EYS: variants seen among roughly 807,000 people sequenced by gnomAD.
EYS encodes the protein protein eyes shut homolog.
EYS carries 250 observed loss-of-function variants against 282.1 expected under a neutral mutation model. The observed-to-expected ratio is 0.89, with a 90% CI of 0.80 to 0.98. The LOEUF (loss-of-function observed/expected upper bound fraction) is 0.98, where lower values mean the gene tolerates loss of function less well. Among genes scored for constraint, EYS ranks in the 50% least tolerant of loss-of-function variants. EYS has a pLI of 0.00. For synonymous variants in EYS, 1,355 were observed against 1,282.9 expected (o/e 1.06, Z -1.20); for missense variants, 4,016 against 3,709.0 (o/e 1.08, Z -2.15).
chr6:64,697,194 T>G (rs955954753), intron 22 of EYS, among the ~76,000 whole-genome samples: 1 of 151,752 alleles, frequency 6.6e-6, no homozygotes, highest in Admixed American at 6.6e-5. Context: ...ATTTATAAAT[T>G]GAAGGTAGAG....
At chr6:64,731,754 G>A (rs956476466) in intron 22 of EYS, among the ~76,000 whole-genome samples, 2 of 152,162 alleles carry the variant, frequency 1.3e-5, no homozygotes, top group African/African-American at 2.4e-5. Flanking sequence ...ACAGTGTGGC[G>A]ATTCCTGAAG....
intron 12 of EYS, among the ~76,000 whole-genome samples, chr6:65,213,517 G>GCAATTCTCACAATATTT (rs2150253700): frequency 6.6e-6 from 1 of 152,150 alleles, no homozygotes; most frequent in Non-Finnish European, 1.5e-5. Context: ...TGACGGCTGG[G>GCAATTCTCACAATATTT]CAATTCTCAC....
rs1362341766 is a variant in EYS at position 65,519,925 on chromosome 6, T to C, written c.-332-23932A>G. On this transcript the variant is annotated intron_variant, in intron 2 of 42. Coordinates refer to ENST00000503581, the MANE Select transcript of EYS (RefSeq NM_001142800.2). Reference sequence around the variant, plus strand: ...TTTTTGTAGAGATGAGGTTTCACCATGTTGCCTAGGAATCAATACTTTTCT... The same window carrying C: ...TTTTTGTAGAGATGAGGTTTCACCACGTTGCCTAGGAATCAATACTTTTCT... Among the ~76,000 whole-genome samples the C allele has an allele frequency of 2.0e-5, 3 of 148,972 alleles. No homozygotes were observed. In the East Asian group the frequency reaches 5.9e-4, roughly 30 times the overall value.
intron 29 of EYS, among the ~76,000 whole-genome samples, chr6:64,321,513 A>C (rs1234465294): frequency 6.6e-6 from 1 of 151,900 alleles, no homozygotes; most frequent in Non-Finnish European, 1.5e-5. Flanking sequence ...TAAATTAATG[A>C]CTTTAATAAA....
intron 12 of EYS, among the ~76,000 whole-genome samples, chr6:65,134,152 T>C (rs914795442): frequency 6.6e-5 from 10 of 152,104 alleles, no homozygotes; most frequent in African/African-American, 2.2e-4. Context: ...GAAATACTTA[T>C]ACAATGTTGG....
chr6:64,911,331 A>G (rs971160890), intron 16 of EYS, among the ~76,000 whole-genome samples: 1 of 151,910 alleles, frequency 6.6e-6, no homozygotes, highest in Non-Finnish European at 1.5e-5. Context: ...AGCCCATGCT[A>G]TTTTTGCAAA....
At chr6:63,923,071 G>A (rs972023221) in intron 35 of EYS, among the ~76,000 whole-genome samples, 2 of 152,180 alleles carry the variant, frequency 1.3e-5, no homozygotes, top group Non-Finnish European at 2.9e-5. Context: ...TTGTAAGTTT[G>A]CTAAAGTAAT....
At chr6:64,704,190 A>G (rs1224512278) in intron 22 of EYS, among the ~76,000 whole-genome samples, 2 of 151,522 alleles carry the variant, frequency 1.3e-5, no homozygotes, top group Admixed American at 6.6e-5. Context: ...CTAATGGAAC[A>G]TGTAAAAAAT....
chr6:64,955,669 T>C (rs1016473353), intron 14 of EYS, among the ~76,000 whole-genome samples: 14 of 152,334 alleles, frequency 9.2e-5, no homozygotes, highest in African/African-American at 3.4e-4. Context: ...CCCATGGGTT[T>C]TGCTTAGGCA....
chr6:65,057,350 T>C (rs970802781), intron 13 of EYS, among the ~76,000 whole-genome samples: 7 of 152,130 alleles, frequency 4.6e-5, no homozygotes, highest in Non-Finnish European at 1.0e-4. Flanking sequence ...CCTTCCTTAC[T>C]TTTTTATTGT....
In EYS at chr6:64,616,141, G is replaced by A. The variant is rs369669625; in HGVS notation, c.3684+1277C>T. On this transcript the variant is annotated intron_variant, in intron 24 of 42. Coordinates refer to ENST00000503581, the MANE Select transcript of EYS (RefSeq NM_001142800.2). Reference sequence around the variant, plus strand: ...AAGCATTGATTTTCTAAGTTATTTAGATTCCTACGTATCTAAGGCTGCACT... The same window carrying A: ...AAGCATTGATTTTCTAAGTTATTTAAATTCCTACGTATCTAAGGCTGCACT... Among the ~76,000 whole-genome samples the A allele has an allele frequency of 2.0e-5, 3 of 151,976 alleles. No homozygotes were observed. The East Asian group carries it at 5.8e-4, about 29-fold the overall frequency.
intron 22 of EYS, among the ~76,000 whole-genome samples, chr6:64,721,166 C>A (rs1238689823): frequency 6.6e-6 from 1 of 152,106 alleles, no homozygotes; most frequent in African/African-American, 2.4e-5. Flanking sequence ...AAATATCTGT[C>A]TTTATGGAGC....
chr6:64,689,678 C>T (rs1414221669), intron 22 of EYS, among the ~76,000 whole-genome samples: 3 of 152,090 alleles, frequency 2.0e-5, no homozygotes, highest in Non-Finnish European at 2.9e-5. Context: ...TACTACACAC[C>T]TAGAACCATC....
intron 31 of EYS, among the ~76,000 whole-genome samples, chr6:64,099,829 A>G (rs1340992720): frequency 2.0e-5 from 3 of 152,180 alleles, no homozygotes; most frequent in East Asian, 3.9e-4. Flanking sequence ...CAACTGGCAC[A>G]CTAAGAATAA....
In EYS at chr6:65,665,597, G is replaced by A. The variant is rs1419490495; in HGVS notation, c.-447-25705C>T. ...CCTTGATGTTATAATATGAAATTGT[G>A]GATATTTGTAAATATGCAGTCTCCT... is the stretch of plus-strand genomic sequence containing the variant. On this transcript the variant is annotated intron_variant, in intron 1 of 42. Coordinates refer to ENST00000503581, the MANE Select transcript of EYS (RefSeq NM_001142800.2). Among the ~76,000 whole-genome samples, 5 of 152,138 alleles carry A rather than the reference G, an allele frequency of 3.3e-5. No homozygotes were observed. In the East Asian group the frequency reaches 7.7e-4, roughly 23 times the overall value.
chr6:64,660,579 CT>C (rs1330405090), intron 22 of EYS, among the ~76,000 whole-genome samples: 2 of 152,140 alleles, frequency 1.3e-5, no homozygotes, highest in East Asian at 3.9e-4. Context: ...CACTAGCATT[CT>C]AATACTCCAA....
At position 65,335,038 on chromosome 6, in the gene EYS, C is replaced by T; in HGVS notation, c.1708G>A (p.Asp570Asn). The T allele has an allele frequency of 6.2e-7, 1 of 1,611,458 alleles. No individual in the cohort carries two copies. The highest frequency in any genetic ancestry group is 1.7e-5 in the Admixed American group (1 of 59,756). Residue 570 changes from aspartate to asparagine, a missense_variant, in exon 11 of 43, where the codon GAT (aspartate) becomes AAT (asparagine). Asp to Asn is a conservative substitution (Grantham distance 23). Transcript: ENST00000503581. ...GNMYLENTTDDQENECQHEAV... is the reference protein window; with the variant it reads ...GNMYLENTTDNQENECQHEAV... ...TCATGTTGACACTCATTTTCTTGATCATCAGTTGTATTTTCCAGATACATG... is the reference window on the plus strand; with the variant it reads ...TCATGTTGACACTCATTTTCTTGATTATCAGTTGTATTTTCCAGATACATG...
intron 35 of EYS, among the ~76,000 whole-genome samples, chr6:63,872,496 T>TTTTTAG (rs1554183561): frequency 6.6e-6 from 1 of 150,602 alleles, no homozygotes; most frequent in African/African-American, 2.4e-5. Flanking sequence ...TTTTTTTTTT[T>TTTTTAG]AGACCTAGTC....
At chr6:65,344,273 A>G in intron 9 of EYS, 96 bp from the exon 10 acceptor site, 1 of 1,045,598 alleles carries the variant, frequency 9.6e-7, no homozygotes, top group Non-Finnish European at 1.4e-6. Context: ...TTGAAAAGAT[A>G]AATTTGACAA....
Sources: gnomAD v4.1 joint callset for allele counts (sites outside exome capture counted in the v4.1 genomes callset) on GRCh38, gnomAD v4.1.1 for gene constraint, MANE v1.5 for transcripts, NCBI Gene and HGNC (gene_info 2026-07-23, HGNC 2026-07-21) for gene names.